SLC35A1: variants seen among roughly 807,000 people sequenced by gnomAD.
SLC35A1 encodes the protein CMP-sialic acid transporter.
Under a neutral mutation model 40.3 loss-of-function variants are expected in SLC35A1, and 21 were observed. The observed-to-expected ratio is 0.52, with a 90% CI of 0.37 to 0.75. The LOEUF is 0.75. Ranked by LOEUF, SLC35A1 falls within the 30% of genes least tolerant of loss-of-function variation. The pLI, the probability that SLC35A1 is intolerant of heterozygous loss-of-function variation, is 0.00. For synonymous variants in SLC35A1, 146 were observed against 147.3 expected (o/e 0.99, Z 0.06); for missense variants, 297 against 382.1 (o/e 0.78, Z 1.86).
intron 5 of SLC35A1, among the ~76,000 whole-genome samples, chr6:87,507,506 G>A (rs1056642685): frequency 6.6e-6 from 1 of 152,208 alleles, no homozygotes; most frequent in African/African-American, 2.4e-5. Context: ...TACGGTAACT[G>A]AGCACTGGAT....
chr6:87,500,786 C>T (rs374959909), intron 3 of SLC35A1, 119 bp downstream of exon 3: 18 of 984,496 alleles, frequency 1.8e-5, no homozygotes, highest in African/African-American at 1.2e-4. Context: ...CTCGCTCTTT[C>T]GTCTAGGCTG....
chr6:87,491,018 T>A (rs1245517000), intron 2 of SLC35A1, among the ~76,000 whole-genome samples: 2 of 152,244 alleles, frequency 1.3e-5, no homozygotes, highest in Admixed American at 6.5e-5. Context: ...CACTCTTTGA[T>A]GTCCAGCCTT....
chr6:87,476,463 G>C (rs193266648), intron 1 of SLC35A1, among the ~76,000 whole-genome samples: 13 of 152,300 alleles, frequency 8.5e-5, no homozygotes, highest in African/African-American at 2.6e-4. Flanking sequence ...GGTGGCTAAT[G>C]CCTGTAATCC....
chr6:87,510,116 T>C (rs1419367574), intron 7 of SLC35A1, among the ~76,000 whole-genome samples: 1 of 152,228 alleles, frequency 6.6e-6, no homozygotes, highest in African/African-American at 2.4e-5. Context: ...GACACTTTCT[T>C]CATCTGTAAA....
chr6:87,477,472 T>C lies in SLC35A1; in HGVS notation c.127T>C (p.Phe43Leu), dbSNP rs776362567. Residue 43 changes from phenylalanine to leucine, a missense_variant, in exon 2 of 8, where the codon TTT becomes CTT. Transcript: ENST00000369552. ...AAGGACATCAGACAAAGAACTCTAC[T>C]TTTCAACCACAGCCGTGTGTATCAC... ...YTRTSDKELY[F>L]STTAVCITEV... 6.2e-7 allele frequency: 1 copy of C among 1,614,142 alleles called. No individual in the cohort carries two copies.
At chr6:87,474,039 C>G (rs1410466993) in intron 1 of SLC35A1, among the ~76,000 whole-genome samples, 7 of 152,072 alleles carry the variant, frequency 4.6e-5, no homozygotes, top group Non-Finnish European at 8.8e-5. Flanking sequence ...CAAATAAGTC[C>G]AATCTTAAAA....
chr6:87,498,056 T>A (rs1562023901), intron 2 of SLC35A1, among the ~76,000 whole-genome samples: 1 of 151,986 alleles, frequency 6.6e-6, no homozygotes, highest in Non-Finnish European at 1.5e-5. Flanking sequence ...CAGGTGGAGG[T>A]AAAGTGGCAT....
At chr6:87,493,007 C>T (rs1582180838) in intron 2 of SLC35A1, among the ~76,000 whole-genome samples, 1 of 152,150 alleles carries the variant, frequency 6.6e-6, no homozygotes. Context: ...GTTTTGTGGT[C>T]TGATACTGTT....
intron 2 of SLC35A1, among the ~76,000 whole-genome samples, chr6:87,480,827 C>T (rs1315697554): frequency 3.3e-5 from 5 of 152,040 alleles, no homozygotes; most frequent in African/African-American, 1.2e-4. Context: ...GAACAATGGT[C>T]CATGATTCTG....
At chr6:87,486,477 A>G (rs1256198435) in intron 2 of SLC35A1, among the ~76,000 whole-genome samples, 1 of 152,160 alleles carries the variant, frequency 6.6e-6, no homozygotes, top group Non-Finnish European at 1.5e-5. Context: ...TATATACTCA[A>G]CACTATTCTA....
At chr6:87,490,526 G>T (rs1243240023) in intron 2 of SLC35A1, among the ~76,000 whole-genome samples, 1 of 151,870 alleles carries the variant, frequency 6.6e-6, no homozygotes, top group East Asian at 1.9e-4. Flanking sequence ...TAGAGATGGG[G>T]TTTCACCATG....
intron 1 of SLC35A1, 96 bp from the exon 2 acceptor site, chr6:87,477,266 G>T: frequency 8.6e-7 from 1 of 1,156,256 alleles, no homozygotes; most frequent in Non-Finnish European, 1.2e-6. Context: ...TTTTGTGCTT[G>T]GAATTGGAAA....
chr6:87,477,986 TATA>T (rs901619938), intron 2 of SLC35A1, among the ~76,000 whole-genome samples: 2 of 152,214 alleles, frequency 1.3e-5, no homozygotes, highest in Non-Finnish European at 2.9e-5. Flanking sequence ...TTTGGATGAA[TATA>T]ATAATAATAA....
intron 1 of SLC35A1, among the ~76,000 whole-genome samples, chr6:87,473,998 G>A (rs9444507): frequency 0.053 from 8,146 of 152,324 alleles, 236 homozygotes; most frequent in Middle Eastern, 0.078. Context: ...AGTTGCATAT[G>A]CTTCTCTTAT....
At chr6:87,491,861 C>G (rs1769561290) in intron 2 of SLC35A1, among the ~76,000 whole-genome samples, 1 of 152,174 alleles carries the variant, frequency 6.6e-6, no homozygotes, top group African/African-American at 2.4e-5. Flanking sequence ...CATGAGGACT[C>G]TACCCTCATC....
At position 87,504,643 on chromosome 6, in the gene SLC35A1, G is replaced by C. The variant is rs1435114429; in HGVS notation, c.508-1739G>C. ...CTGTGCTGTGTTTGGCTCATGCTCA[G>C]ATCACATGGTTGCTTTCTGCCAAAG... On this transcript the variant is annotated intron_variant, in intron 4 of 7. Coordinates refer to ENST00000369552, the MANE Select transcript of SLC35A1 (RefSeq NM_006416.5). 2.0e-5 allele frequency among the ~76,000 whole-genome samples: 3 copies of C among 152,196 alleles called. No individual in the cohort carries two copies. In the East Asian group the frequency reaches 5.8e-4, roughly 29 times the overall value.
chr6:87,474,897 A>G (rs986003747), intron 1 of SLC35A1, among the ~76,000 whole-genome samples: 7 of 152,238 alleles, frequency 4.6e-5, no homozygotes, highest in Admixed American at 3.3e-4. Context: ...TGACAATATT[A>G]TAAGTCAGAA....
At chr6:87,508,063 T>C (rs1028855922) in intron 5 of SLC35A1, among the ~76,000 whole-genome samples, 2 of 152,170 alleles carry the variant, frequency 1.3e-5, no homozygotes, top group South Asian at 4.1e-4. Context: ...ACTCTTAATG[T>C]AGTTTTTCAG....
chr6:87,511,824 T>C lies in SLC35A1; in HGVS notation c.*298T>C, dbSNP rs1180519598. 3 of 394,890 alleles carry C rather than the reference T, an allele frequency of 7.6e-6. No homozygotes were observed. Among genetic ancestry groups the C allele is most frequent in the Non-Finnish European group, 1.4e-5 (3 of 209,360 alleles). 24.5% of individuals were successfully genotyped at this position (394,890 alleles called of 1,614,324 possible). A position where few individuals can be genotyped will look rare whatever the true frequency, so the allele number is the denominator to read the frequency against. ...GATGATACGGTGTTAAAAAAAATCA[T>C]GGTAAGGCTACAATACTCAAGTAAC... On this transcript the variant is annotated 3_prime_UTR_variant, in exon 8 of 8. Coordinates refer to ENST00000369552, the MANE Select transcript of SLC35A1 (RefSeq NM_006416.5).
Sources: gnomAD v4.1 joint callset for allele counts (sites outside exome capture counted in the v4.1 genomes callset) on GRCh38, gnomAD v4.1.1 for gene constraint, MANE v1.5 for transcripts, NCBI Gene and HGNC (gene_info 2026-07-23, HGNC 2026-07-21) for gene names.